DACT3: variants seen among roughly 807,000 people sequenced by gnomAD.
DACT3 encodes dishevelled binding antagonist of beta catenin 3, also known as dapper homolog 3.
Under a neutral mutation model 19.6 loss-of-function variants are expected in DACT3, and 5 were observed. The observed-to-expected ratio is 0.26, with a 90% CI of 0.13 to 0.54. The LOEUF (loss-of-function observed/expected upper bound fraction) is 0.54. Among genes scored for constraint, DACT3 ranks in the 20% least tolerant of loss-of-function variants. The pLI, the probability that DACT3 is intolerant of heterozygous loss-of-function variation, is 0.95. For synonymous variants in DACT3, 454 were observed against 428.1 expected, an observed-to-expected ratio of 1.06 and a Z score of -0.75; for missense variants, 908 against 927.4, an observed-to-expected ratio of 0.98 and a Z score of 0.27.
chr19:46,658,768 G>A (rs1317100380), intron 1 of DACT3, among the ~76,000 whole-genome samples: 1 of 152,028 alleles, frequency 6.6e-6, no homozygotes, highest in Non-Finnish European at 1.5e-5. Flanking sequence ...CCCTTACCTT[G>A]TTTCTCCCCT....
chr19:46,653,108 G>A lies in DACT3; in HGVS notation c.250-33C>T, dbSNP rs1350778424. 15 of 1,549,042 alleles carry A rather than the reference G, an allele frequency of 9.7e-6. No individual in the cohort carries two copies. The East Asian group carries it at 2.2e-4, about 23-fold the overall frequency. On this transcript the variant is annotated intron_variant, in intron 1 of 3. Transcript: ENST00000391916. The stretch of plus-strand genomic sequence containing the variant: ...CATAGGGAGAGAAGGATGGTCAGAA[G>A]GCCCCCAGTCCTCTGCCGACTGGTC...
chr19:46,655,803 G>A (rs1454602173), intron 1 of DACT3, among the ~76,000 whole-genome samples: 2 of 151,780 alleles, frequency 1.3e-5, no homozygotes, highest in Non-Finnish European at 2.9e-5. Flanking sequence ...GGGTGTGGTG[G>A]CTTATGCCTA....
At position 46,649,802 on chromosome 19, in the gene DACT3, G is replaced by A. The variant is rs1361742938; in HGVS notation, c.570C>T (p.Pro190=). ...RAAVPRSFSA[P]YPTAGGSAGP... The stretch of plus-strand genomic sequence containing the variant: ...CGGCGGACCCCCCTGCCGTCGGGTA[G>A]GGCGCTGAGAAGGACCGCGGCACCG... The change falls in exon 4 of 4, where the codon CCC becomes CCT. Residue 190 remains proline (P), a synonymous_variant. Transcript: ENST00000391916. 1.2e-5 allele frequency: 16 copies of A among 1,386,242 alleles called. No individual in the cohort carries two copies. Among genetic ancestry groups the A allele is most frequent in the Non-Finnish European group, 1.4e-5 (15 of 1,074,568 alleles). 85.9% of individuals were successfully genotyped at this position (1,386,242 alleles called of 1,614,324 possible).
rs2052938795 is a variant in DACT3 at position 46,648,368 on chromosome 19, GT to G, written c.*113del. On this transcript the variant is annotated 3_prime_UTR_variant, in exon 4 of 4. Coordinates refer to ENST00000391916, the MANE Select transcript of DACT3 (RefSeq NM_145056.3). The surrounding 1 kb of genome is among the most constrained non-coding windows in gnomAD (Gnocchi z 5.1). ...GTTAGGAGTGGGGAGAGTGAGGGGGGTCTTTGGAAGCAGAGAAAACGATGGT... is the reference window on the plus strand; with the variant it reads ...GTTAGGAGTGGGGAGAGTGAGGGGGGCTTTGGAAGCAGAGAAAACGATGGT... The G allele has an allele frequency of 6.5e-7, 1 of 1,547,534 alleles. No homozygotes were observed. Among genetic ancestry groups the G allele is most frequent in the Non-Finnish European group, 8.8e-7 (1 of 1,138,644 alleles).
Position 46,652,993 on chromosome 19 carries a change from C to T in DACT3, c.332G>A (p.Ser111Asn), listed in dbSNP as rs554419777. 18 of 1,551,430 alleles carry T rather than the reference C, an allele frequency of 1.2e-5. No individual in the cohort carries two copies. The highest frequency in any genetic ancestry group is 2.4e-5 in the East Asian group (1 of 40,912). The part of the protein sequence containing the change: ...SLESGGLEQE[S>N]GRSSGFYEDP... ...TCCATGCTCACCCGAGCTACGCCCGCTCTCCTGTTCCAGGCCCCCAGACTC... is the reference window on the plus strand; with the variant it reads ...TCCATGCTCACCCGAGCTACGCCCGTTCTCCTGTTCCAGGCCCCCAGACTC... Residue 111 changes from serine to asparagine, a missense_variant, in exon 2 of 4, where the codon AGC (serine) becomes AAC (asparagine). Ser to Asn is a conservative substitution (Grantham distance 46, BLOSUM62 1). Around this residue, in one of 2 missense-constraint regions of DACT3, gnomAD observed 252 missense variants for 325.6 expected, o/e 0.77. Coordinates refer to ENST00000391916, the MANE Select transcript of DACT3 (RefSeq NM_145056.3).
In DACT3 at chr19:46,649,582, C is replaced by G. The variant is rs1448335539; in HGVS notation, c.790G>C (p.Gly264Arg). The change falls in exon 4 of 4, where the codon GGG becomes CGG. Residue 264 changes from glycine to arginine, a missense_variant. Coordinates refer to ENST00000391916, the MANE Select transcript of DACT3 (RefSeq NM_145056.3). ...GGACTGGTCCGGGGCTGGCCCGCCC[C>G]CCGGCGGCGGCGCCTGCGCAGGAGC... ...SALLRRRRRR[G>R]AGQPRTSPGG... is the part of the protein sequence containing the mutation. The G allele has an allele frequency of 2.7e-6, 3 of 1,091,210 alleles. No homozygotes were observed. Among genetic ancestry groups the G allele is most frequent in the African/African-American group, 3.4e-5 (2 of 58,654 alleles). The allele number at this position is 1,091,210 out of a possible 1,614,324, so 67.6% of individuals were successfully genotyped here.
chr19:46,654,862 C>T, intron 1 of DACT3: 3 of 985,028 alleles, frequency 3.0e-6, no homozygotes, highest in Non-Finnish European at 3.6e-6. Context: ...CCCAGCCTCT[C>T]CCATCCCCCT....
In DACT3 at chr19:46,660,936, C is replaced by T; in HGVS notation, c.129G>A (p.Gln43=). 1 of 1,540,132 alleles carries T rather than the reference C, an allele frequency of 6.5e-7. No homozygotes were observed. Residue 43 remains glutamine (Q), a synonymous_variant, in exon 1 of 4, where the codon CAG becomes CAA. Coordinates refer to ENST00000391916, the MANE Select transcript of DACT3 (RefSeq NM_145056.3). The surrounding 1 kb of genome is among the most constrained non-coding windows in gnomAD (Gnocchi z 4.9). ...LRERQEYRVQ[Q]ALRLAQPGMG... The stretch of plus-strand genomic sequence containing the variant: ...TTCCGGGCTGGGCCAGCCGCAGCGC[C>T]TGCTGCACGCGGTACTCCTGCCTCT...
rs1195244624 is a variant in DACT3 at position 46,661,169 on chromosome 19, T to C, written c.-105A>G. The C allele has an allele frequency of 8.2e-7, 1 of 1,218,930 alleles. No homozygotes were observed. The highest frequency in any genetic ancestry group is 1.6e-5 in the African/African-American group (1 of 61,262). 75.5% of individuals were successfully genotyped at this position (1,218,930 alleles called of 1,614,324 possible). ...GCCCGCCCGCCCGCTGGCCGGGCTG[T>C]CACCGTCTCATCTGCATAGGCGCCC... On this transcript the variant is annotated 5_prime_UTR_variant, in exon 1 of 4. An upstream open reading frame in the 5' UTR loses its in-frame stop. Coordinates refer to ENST00000391916, the MANE Select transcript of DACT3 (RefSeq NM_145056.3).
At chr19:46,652,934 C>T (rs1300184815) in intron 2 of DACT3, 45 bp downstream of exon 2, 2 of 1,547,600 alleles carry the variant, frequency 1.3e-6, no homozygotes, top group South Asian at 1.2e-5. Context: ...ATACGGGGAA[C>T]ATGGAGGCGT....
Position 46,652,672 on chromosome 19 carries a change from G to T in DACT3, c.487C>A (p.Pro163Thr), listed in dbSNP as rs2052997107. ...EPRGIYASER[P>T]KSLGDASPSA... Reference sequence around the variant, plus strand: ...TCACCCACCTTACCTAGGGACTTGGGCCTCTCACTGGCATAGATGCCCCGG... The same window carrying T: ...TCACCCACCTTACCTAGGGACTTGGTCCTCTCACTGGCATAGATGCCCCGG... The change falls in exon 3 of 4, where the codon CCC (proline) becomes ACC (threonine). Residue 163 changes from proline to threonine, a missense_variant. Physicochemically the swap from Pro to Thr is conservative, Grantham distance 38. Coordinates refer to ENST00000391916, the MANE Select transcript of DACT3 (RefSeq NM_145056.3). 1 of 1,551,190 alleles carries T rather than the reference G, an allele frequency of 6.4e-7. No individual in the cohort carries two copies. The highest frequency in any genetic ancestry group is 8.7e-7 in the Non-Finnish European group (1 of 1,146,978).
Position 46,649,231 on chromosome 19 carries a change from G to A in DACT3, c.1141C>T (p.Pro381Ser). ...TCCACGCTGCGGCCGCGGGTCAGTGGCGGCGGTTTGCGGCGGGCGGCGCGG... is the reference window on the plus strand; with the variant it reads ...TCCACGCTGCGGCCGCGGGTCAGTGACGGCGGTTTGCGGCGGGCGGCGCGG... Reference protein sequence around the residue: ...PGRAARRKPPPLTRGRSVEQS... With the variant: ...PGRAARRKPPSLTRGRSVEQS... The change falls in exon 4 of 4, where the codon CCA becomes TCA. Residue 381 changes from proline to serine, a missense_variant. Pro to Ser is a moderately conservative substitution (Grantham distance 74). Transcript: ENST00000391916. 7.5e-6 allele frequency: 9 copies of A among 1,199,720 alleles called. No homozygotes were observed. The highest frequency in any genetic ancestry group is 9.3e-6 in the Non-Finnish European group (9 of 969,970). The allele number at this position is 1,199,720 out of a possible 1,614,324, so 74.3% of individuals were successfully genotyped here.
Position 46,648,786 on chromosome 19 carries a change from A to G in DACT3, c.1586T>C (p.Leu529Pro). ...AGGCCCCCGGCGTCCCAGGGGCCCC[A>G]GGCGCCCAGCCGAGCACTCGGAGTC... ...GSDSECSAGR[L>P]GPLGRRGPAG... Residue 529 changes from leucine (L) to proline (P), a missense_variant, in exon 4 of 4, where the codon CTG becomes CCG. This residue lies in a region of DACT3 where 656 missense variants were observed against 601.8 expected (regional missense o/e 1.09). Transcript: ENST00000391916. The surrounding 1 kb of genome is among the most constrained non-coding windows in gnomAD (Gnocchi z 5.1). 6.5e-7 allele frequency: 1 copy of G among 1,545,610 alleles called. No individual in the cohort carries two copies. The highest frequency in any genetic ancestry group is 2.0e-5 in the Admixed American group (1 of 51,088).
chr19:46,653,343 C>A (rs1483958825), intron 1 of DACT3, among the ~76,000 whole-genome samples: 1 of 151,932 alleles, frequency 6.6e-6, no homozygotes, highest in Non-Finnish European at 1.5e-5. Flanking sequence ...CAGAAAACCC[C>A]CATCTCTTGC....
chr19:46,658,994 A>G (rs1305525176), intron 1 of DACT3: 1 of 714,060 alleles, frequency 1.4e-6, no homozygotes, highest in East Asian at 1.3e-4. Flanking sequence ...TTAGAAAGTA[A>G]TCAAGTCTGG....
chr19:46,651,065 C>CTACTTATT, intron 3 of DACT3: 1 of 148,666 alleles, frequency 6.7e-6, no homozygotes, highest in South Asian at 2.1e-4. Context: ...ATTTATTTAT[C>CTACTTATT]TATTTATTTA....
At chr19:46,649,994 A>T (rs2052966967) in intron 3 of DACT3, 122 bp from the exon 4 acceptor site, 1 of 1,146,196 alleles carries the variant, frequency 8.7e-7, no homozygotes, top group Non-Finnish European at 1.1e-6. Context: ...TCCTCATCGC[A>T]GCAAAAACCC....
At chr19:46,652,906 G>T in intron 2 of DACT3, 73 bp downstream of exon 2, 1 of 1,542,686 alleles carries the variant, frequency 6.5e-7, no homozygotes. Context: ...AGAGACACAG[G>T]GGGCCTCAGA....
Sources: allele counts gnomAD v4.1 joint callset (sites outside exome capture counted in the v4.1 genomes callset), GRCh38; gene constraint gnomAD v4.1.1; regional missense constraint gnomAD v4.1.1; non-coding constraint Gnocchi (gnomAD v3.1); transcripts MANE v1.5; gene names NCBI Gene and HGNC (gene_info 2026-07-23, HGNC 2026-07-21).